RALGAPA1: variants seen among roughly 807,000 people sequenced by gnomAD.
RALGAPA1 encodes the protein Ral GTPase activating protein catalytic subunit alpha 1.
A neutral mutation model predicts 269.6 loss-of-function variants in RALGAPA1; 52 were observed. The observed-to-expected ratio is 0.19, with a 90% CI of 0.15 to 0.24. RALGAPA1 has a LOEUF of 0.24. Among genes scored for constraint, RALGAPA1 ranks in the 10% least tolerant of loss-of-function variants. The pLI, the probability that RALGAPA1 is intolerant of heterozygous loss-of-function variation, is 1.00. For missense variants in RALGAPA1, 1,917 were observed against 3,013.9 expected (o/e 0.64, Z 8.52); for synonymous variants, 817 against 1,008.3 (o/e 0.81, Z 3.60).
At chr14:35,764,972 T>G (rs1354715701) in intron 4 of RALGAPA1, among the ~76,000 whole-genome samples, 1 of 152,228 alleles carries the variant, frequency 6.6e-6, no homozygotes, top group African/African-American at 2.4e-5. Context: ...AGTTGTTATG[T>G]GTTGCTTTTC....
rs547563477 is a variant in RALGAPA1, at chr14:35,724,870, C to T, written c.1866+154G>A. On this transcript the variant is annotated intron_variant, in intron 14 of 41. Transcript: ENST00000680220. ...CTTTTAAGTTAGCTCTACAAAAGAT[C>T]CCTTAATAAATAAGAAATAATCTCT... 3.2e-3 allele frequency among the ~76,000 whole-genome samples: 483 copies of T among 152,210 alleles called. 1 individual carries two copies. The highest frequency in any genetic ancestry group is 6.8e-3 in the Middle Eastern group (2 of 294).
At chr14:35,785,271 G>T (rs1274796485) in intron 1 of RALGAPA1, among the ~76,000 whole-genome samples, 4 of 152,142 alleles carry the variant, frequency 2.6e-5, no homozygotes, top group Admixed American at 6.5e-5. Flanking sequence ...TATAAAATGT[G>T]TTTAATAAAA....
intron 1 of RALGAPA1, among the ~76,000 whole-genome samples, chr14:35,786,981 C>G (rs1396357788): frequency 6.6e-6 from 1 of 152,190 alleles, no homozygotes; most frequent in Non-Finnish European, 1.5e-5. Context: ...TCACTTCTAT[C>G]TATTGAAATT....
chr14:35,785,707 A>C (rs2075751614), intron 1 of RALGAPA1, among the ~76,000 whole-genome samples: 1 of 152,190 alleles, frequency 6.6e-6, no homozygotes, highest in African/African-American at 2.4e-5. Context: ...TCTACACCCC[A>C]TTTCATAAGA....
chr14:35,669,003 C>A (rs1412333093), intron 26 of RALGAPA1, among the ~76,000 whole-genome samples: 2 of 152,164 alleles, frequency 1.3e-5, no homozygotes, highest in East Asian at 3.9e-4. Flanking sequence ...CTCACTCATG[C>A]CTGTTTACCT....
chr14:35,786,984 T>C (rs983097909), intron 1 of RALGAPA1, among the ~76,000 whole-genome samples: 14 of 152,328 alleles, frequency 9.2e-5, no homozygotes, highest in African/African-American at 3.4e-4. Flanking sequence ...CTTCTATCTA[T>C]TGAAATTTTA....
chr14:35,742,923 G>A (rs1349498348), intron 10 of RALGAPA1, among the ~76,000 whole-genome samples: 1 of 152,140 alleles, frequency 6.6e-6, no homozygotes, highest in Non-Finnish European at 1.5e-5. Context: ...GGTCACTGGT[G>A]GCCAGTGTAT....
At chr14:35,671,778 G>T (rs964494108) in intron 25 of RALGAPA1, among the ~76,000 whole-genome samples, 1 of 152,042 alleles carries the variant, frequency 6.6e-6, no homozygotes, top group Non-Finnish European at 1.5e-5. Flanking sequence ...ATTAAGGAAG[G>T]CTCTTTGCTT....
At position 35,677,789 on chromosome 14, in the gene RALGAPA1, G is replaced by GAAC. The variant is rs2065074680; in HGVS notation, c.4624+158_4624+160dup. The GAAC allele has an allele frequency of 7.7e-6, 5 of 645,796 alleles. No individual in the cohort carries two copies. In the Admixed American group the frequency reaches 1.7e-4, roughly 22 times the overall value. The allele number at this position is 645,796 out of a possible 1,614,324, so 40.0% of individuals were successfully genotyped here. A position where few individuals can be genotyped will look rare whatever the true frequency, so the allele number is the denominator to read the frequency against. ...AAACTCAGACAACAAATATCTTTAA[G>GAAC]AACAAGAAAAAAGTTACATTAACAA... On this transcript the variant is annotated intron_variant, in intron 22 of 41. Coordinates refer to ENST00000680220, the MANE Select transcript of RALGAPA1 (RefSeq NM_001346249.2).
At chr14:35,803,457 T>A (rs1225259800) in intron 1 of RALGAPA1, among the ~76,000 whole-genome samples, 9 of 151,906 alleles carry the variant, frequency 5.9e-5, no homozygotes, top group African/African-American at 1.9e-4. Flanking sequence ...ATAAAAAAAA[T>A]AAATTAAAAA....
intron 37 of RALGAPA1, among the ~76,000 whole-genome samples, chr14:35,590,107 T>C (rs951985878): frequency 6.6e-6 from 1 of 152,216 alleles, no homozygotes; most frequent in Non-Finnish European, 1.5e-5. Context: ...TTTTAACAAA[T>C]CTTTATTCCA....
intron 41 of RALGAPA1, among the ~76,000 whole-genome samples, chr14:35,543,579 A>G (rs1036795393): frequency 7.9e-5 from 12 of 152,256 alleles, no homozygotes; most frequent in Non-Finnish European, 1.5e-4. Context: ...GGAGTTGATA[A>G]GTTATTAAGA....
chr14:35,593,404 C>T (rs983616281), intron 37 of RALGAPA1, among the ~76,000 whole-genome samples: 4 of 151,812 alleles, frequency 2.6e-5, no homozygotes, highest in Non-Finnish European at 5.9e-5. Flanking sequence ...TCATACTACC[C>T]AAAGAAATAT....
intron 39 of RALGAPA1, among the ~76,000 whole-genome samples, chr14:35,554,271 C>A (rs1278851716): frequency 6.6e-6 from 1 of 151,584 alleles, no homozygotes; most frequent in African/African-American, 2.4e-5. Flanking sequence ...TGCTGCAAAA[C>A]GCCCACCTGC....
chr14:35,703,414 C>T (rs142581191), intron 16 of RALGAPA1, among the ~76,000 whole-genome samples: 16 of 152,208 alleles, frequency 1.1e-4, no homozygotes, highest in Non-Finnish European at 1.8e-4. Context: ...AGGAGGTCAA[C>T]GCTACAATGA....
At chr14:35,740,488 C>T (rs1357769265) in intron 11 of RALGAPA1, among the ~76,000 whole-genome samples, 1 of 152,188 alleles carries the variant, frequency 6.6e-6, no homozygotes, top group African/African-American at 2.4e-5. Flanking sequence ...TTTCAAATGT[C>T]TCACAGATGC....
intron 36 of RALGAPA1, among the ~76,000 whole-genome samples, chr14:35,603,443 C>G (rs2059411025): frequency 6.6e-6 from 1 of 152,112 alleles, no homozygotes; most frequent in South Asian, 2.1e-4. Context: ...GCTTAAATAA[C>G]TCACTTAAGG....
At chr14:35,541,807 T>C (rs2054027662) in intron 41 of RALGAPA1, 2 of 457,230 alleles carry the variant, frequency 4.4e-6, no homozygotes, top group African/African-American at 4.0e-5. Flanking sequence ...ATTTCTTTCT[T>C]TGTTGTGAAT....
chr14:35,547,433 TGAGAAC>T (rs1376577910), intron 41 of RALGAPA1, among the ~76,000 whole-genome samples: 1 of 152,076 alleles, frequency 6.6e-6, no homozygotes, highest in Non-Finnish European at 1.5e-5. Flanking sequence ...CAACGACACA[TGAGAAC>T]TGAACAGCCT....
Sources: allele counts gnomAD v4.1 joint callset (sites outside exome capture counted in the v4.1 genomes callset), GRCh38; gene constraint gnomAD v4.1.1; transcripts MANE v1.5; gene names NCBI Gene and HGNC (gene_info 2026-07-23, HGNC 2026-07-21).